VSTM4: variants seen among roughly 807,000 people sequenced by gnomAD.
The protein encoded by VSTM4 is V-set and transmembrane domain-containing protein 4.
VSTM4 carries 20 observed loss-of-function variants against 36.4 expected under a neutral mutation model. That is an observed-to-expected ratio of 0.55 (90% CI 0.39 to 0.80). The LOEUF is 0.80. VSTM4 is among the 30% of genes least tolerant of loss of function. The probability of loss-of-function intolerance (pLI) is 0.00; values close to 1 mark genes in which losing one functional copy is unlikely to be tolerated. For synonymous variants in VSTM4, 182 were observed against 173.9 expected (o/e 1.05, Z -0.37); for missense variants, 392 against 404.5 (o/e 0.97, Z 0.26).
At chr10:49,078,814 A>G (rs897520108) in intron 3 of VSTM4, among the ~76,000 whole-genome samples, 1 of 152,186 alleles carries the variant, frequency 6.6e-6, no homozygotes, top group African/African-American at 2.4e-5. Context: ...ACAAACTGGT[A>G]CAAGGGATCT....
chr10:49,088,404 C>T (rs1288930899), intron 2 of VSTM4, among the ~76,000 whole-genome samples: 1 of 152,204 alleles, frequency 6.6e-6, no homozygotes, highest in Admixed American at 6.5e-5. Context: ...GACAATTTGT[C>T]CATCACACCC....
chr10:49,036,018 G>T (rs988886533), intron 7 of VSTM4, among the ~76,000 whole-genome samples: 1 of 152,160 alleles, frequency 6.6e-6, no homozygotes, highest in African/African-American at 2.4e-5. Context: ...GGCACTAACT[G>T]TGTGGCCTGC....
At chr10:49,022,425 A>G (rs1245033604) in intron 7 of VSTM4, among the ~76,000 whole-genome samples, 2 of 152,138 alleles carry the variant, frequency 1.3e-5, no homozygotes, top group South Asian at 4.1e-4. Flanking sequence ...TTCTTTTGAG[A>G]TGATGCACCC....
rs145176588 is a variant in VSTM4 at position 49,109,269 on chromosome 10, G to A, written c.56-1274C>T. On this transcript the variant is annotated intron_variant, in intron 1 of 7. Coordinates refer to ENST00000332853, the MANE Select transcript of VSTM4 (RefSeq NM_001031746.5). The stretch of plus-strand genomic sequence containing the variant: ...TTTGACCCCTGGGCAGTGCTGCAGG[G>A]AAGCAAGGAGGAAAGTGGAAAAACA... 2.6e-5 allele frequency among the ~76,000 whole-genome samples: 4 copies of A among 152,328 alleles called. No individual in the cohort carries two copies. In the East Asian group the frequency reaches 7.7e-4, roughly 29 times the overall value.
chr10:49,093,259 G>A (rs1022971665), intron 2 of VSTM4, among the ~76,000 whole-genome samples: 1 of 152,058 alleles, frequency 6.6e-6, no homozygotes, highest in Admixed American at 6.6e-5. Context: ...GGACACTGCC[G>A]TGGGGTCGGA....
chr10:49,058,349 G>A (rs930423820), intron 5 of VSTM4, among the ~76,000 whole-genome samples: 1 of 152,178 alleles, frequency 6.6e-6, no homozygotes, highest in African/African-American at 2.4e-5. Flanking sequence ...GAGAGTCATT[G>A]CAGAATGGAC....
At chr10:49,068,653 G>T (rs1844018034) in intron 4 of VSTM4, among the ~76,000 whole-genome samples, 1 of 152,180 alleles carries the variant, frequency 6.6e-6, no homozygotes, top group Admixed American at 6.5e-5. Context: ...CATAATTAGT[G>T]CTATTAATAT....
chr10:49,027,459 G>C (rs937026288), intron 7 of VSTM4, among the ~76,000 whole-genome samples: 1 of 152,120 alleles, frequency 6.6e-6, no homozygotes, highest in African/African-American at 2.4e-5. Context: ...TATTTTATTT[G>C]TTTTAAATGA....
intron 7 of VSTM4, among the ~76,000 whole-genome samples, chr10:49,029,954 T>G (rs915520312): frequency 1.3e-5 from 2 of 152,112 alleles, no homozygotes; most frequent in Admixed American, 1.3e-4. Context: ...CTGGAACACC[T>G]CCAGGGGGCC....
intron 4 of VSTM4, among the ~76,000 whole-genome samples, chr10:49,072,143 A>G (rs532288427): frequency 5.9e-4 from 90 of 152,270 alleles, no homozygotes; most frequent in African/African-American, 2.1e-3. Flanking sequence ...ATTGCTTCCA[A>G]TGAGAGCCAT....
intron 5 of VSTM4, among the ~76,000 whole-genome samples, chr10:49,059,427 C>T (rs1029071943): frequency 6.6e-6 from 1 of 152,200 alleles, no homozygotes; most frequent in African/African-American, 2.4e-5. Flanking sequence ...GGAGATCAAA[C>T]TCTAATGTCC....
At chr10:49,103,765 C>G (rs745748191) in intron 2 of VSTM4, 1 of 1,613,848 alleles carries the variant, frequency 6.2e-7, no homozygotes, top group Non-Finnish European at 8.5e-7. Context: ...AGGAAGGAGG[C>G]CATGGTTAAG....
chr10:49,086,941 G>A (rs886586931), intron 2 of VSTM4, among the ~76,000 whole-genome samples: 4 of 152,218 alleles, frequency 2.6e-5, no homozygotes, highest in African/African-American at 9.6e-5. Context: ...TCTAGGACCA[G>A]AATTGAATGG....
In VSTM4 at chr10:49,020,727, AGAAGGAAG is replaced by A. The variant is rs1164757548; in HGVS notation, c.838-960_838-953del. Among the ~76,000 whole-genome samples the A allele has an allele frequency of 1.6e-3, 121 of 74,628 alleles. 1 individual carries two copies. In the Middle Eastern group the frequency reaches 0.021, roughly 13 times the overall value. 49.0% of individuals were successfully genotyped at this position (74,628 alleles called of 152,430 possible). A position where few individuals can be genotyped will look rare whatever the true frequency, so the allele number is the denominator to read the frequency against. On this transcript the variant is annotated intron_variant, in intron 7 of 7. Coordinates refer to ENST00000332853, the MANE Select transcript of VSTM4 (RefSeq NM_001031746.5). Reference sequence around the variant, plus strand: ...GAGGGAAGAAGGAAGGAAGGAAAGAAGAAGGAAGGAAGGAAGGAAGGAAGGGAGGGAGG... The same window carrying A: ...GAGGGAAGAAGGAAGGAAGGAAAGAAGAAGGAAGGAAGGAAGGGAGGGAGG...
chr10:49,047,028 C>A lies in VSTM4; in HGVS notation c.792G>T (p.Thr264=), dbSNP rs780534686. The change falls in exon 7 of 8, where the codon ACG becomes ACT. Residue 264 remains threonine, a synonymous_variant. Transcript: ENST00000332853. ...GTTTCAGCAGCTTCGGTTTATGGAA[C>A]GTGGGGGCTATCGGAGCTGTGGAAG... ...AVPAKAPIAP[T]FHKPKLLKPQ... is the part of the protein sequence containing the mutation. The A allele has an allele frequency of 6.2e-7, 1 of 1,614,044 alleles. No homozygotes were observed. Among genetic ancestry groups the A allele is most frequent in the East Asian group, 2.2e-5 (1 of 44,894 alleles).
intron 2 of VSTM4, among the ~76,000 whole-genome samples, chr10:49,097,786 T>C (rs1307600242): frequency 2.0e-5 from 3 of 152,226 alleles, no homozygotes; most frequent in Non-Finnish European, 4.4e-5. Context: ...TGTCATCTCA[T>C]TTCAAAGGTG....
chr10:49,077,272 A>G lies in VSTM4; in HGVS notation c.581T>C (p.Leu194Pro), dbSNP rs1421751130. 4 of 1,614,100 alleles carry G rather than the reference A, an allele frequency of 2.5e-6. No individual in the cohort carries two copies. The highest frequency in any genetic ancestry group is 3.4e-6 in the Non-Finnish European group (4 of 1,180,040). The change falls in exon 4 of 8, where the codon CTC becomes CCC. Residue 194 changes from leucine (L) to proline (P), a missense_variant. Coordinates refer to ENST00000332853, the MANE Select transcript of VSTM4 (RefSeq NM_001031746.5). ...CTGCCAGACGATGACCAGCATGAAG[A>G]GCAGAATGCTGAGGATCCCCACGCA... ...VCCVGILSILLFMLVIVWQSV... is the reference protein window; with the variant it reads ...VCCVGILSILPFMLVIVWQSV...
At chr10:49,083,183 A>T (rs1349911949) in intron 3 of VSTM4, among the ~76,000 whole-genome samples, 1 of 152,234 alleles carries the variant, frequency 6.6e-6, no homozygotes, top group Non-Finnish European at 1.5e-5. Context: ...AGTTTGAGAC[A>T]TAAGGCTGTG....
chr10:49,040,580 CT>C (rs1476251400), intron 7 of VSTM4, among the ~76,000 whole-genome samples: 1 of 152,184 alleles, frequency 6.6e-6, no homozygotes, highest in Non-Finnish European at 1.5e-5. Context: ...GCCACCATGC[CT>C]GGCCTCACCC....
Sources: gnomAD v4.1 joint callset for allele counts (sites outside exome capture counted in the v4.1 genomes callset) on GRCh38, gnomAD v4.1.1 for gene constraint, MANE v1.5 for transcripts, NCBI Gene and HGNC (gene_info 2026-07-23, HGNC 2026-07-21) for gene names.